DDAH1: variants seen among roughly 807,000 people sequenced by gnomAD.
DDAH1 encodes the protein N(G),N(G)-dimethylarginine dimethylaminohydrolase 1.
In DDAH1, 19 loss-of-function variants were observed where a neutral mutation model predicts 28.8. The observed-to-expected ratio is 0.66, with a 90% confidence interval of 0.46 to 0.97. The LOEUF is 0.97. Among genes scored for constraint, DDAH1 ranks in the 50% least tolerant of loss-of-function variants. The pLI is 0.00. For synonymous variants in DDAH1, 153 were observed against 154.4 expected, an observed-to-expected ratio of 0.99 and a Z score of 0.07; for missense variants, 326 against 375.9, an observed-to-expected ratio of 0.87 and a Z score of 1.10.
chr1:85,369,015 A>T (rs1156860988), intron 1 of DDAH1, among the ~76,000 whole-genome samples: 1 of 151,190 alleles, frequency 6.6e-6, no homozygotes, highest in Non-Finnish European at 1.5e-5. Flanking sequence ...TGGCTGGGTC[A>T]GAGATTCCTT....
At chr1:85,507,784 A>G (rs2100747130) in intron 1 of DDAH1, among the ~76,000 whole-genome samples, 1 of 152,268 alleles carries the variant, frequency 6.6e-6, no homozygotes, top group Non-Finnish European at 1.5e-5. Flanking sequence ...CAGCTCCCCC[A>G]GTCCTTCTCC....
rs190976389 is a variant in DDAH1, at chr1:85,410,182, G to A, written c.304-51335C>T. Among the ~76,000 whole-genome samples, 458 of 152,258 alleles carry A rather than the reference G, an allele frequency of 3.0e-3. 11 individuals are homozygous for A. The highest frequency in any genetic ancestry group is 0.028 in the Admixed American group (430 of 15,294). On this transcript the variant is annotated intron_variant, in intron 1 of 5. Coordinates refer to ENST00000284031, the MANE Select transcript of DDAH1 (RefSeq NM_012137.4). ...TGTAGTCCCAGCTACACGGGAGGCC[G>A]AGGTGGGATAATCGCCTGAGCCTGG...
chr1:85,508,624 G>C (rs1657110646), intron 1 of DDAH1, among the ~76,000 whole-genome samples: 1 of 152,208 alleles, frequency 6.6e-6, no homozygotes, highest in South Asian at 2.1e-4. Flanking sequence ...CCCAAATACT[G>C]GGCTTTTCCC....
At chr1:85,421,136 T>C (rs567709733) in intron 1 of DDAH1, among the ~76,000 whole-genome samples, 3 of 152,298 alleles carry the variant, frequency 2.0e-5, no homozygotes, top group South Asian at 4.1e-4. Flanking sequence ...AAACCATTCA[T>C]GGGAAAATTG....
intron 1 of DDAH1, among the ~76,000 whole-genome samples, chr1:85,360,985 C>A (rs1649765159): frequency 6.6e-6 from 1 of 152,164 alleles, no homozygotes; most frequent in African/African-American, 2.4e-5. Flanking sequence ...GATGATACTA[C>A]ATTACTTTCA....
chr1:85,348,717 A>C (rs905949221), intron 4 of DDAH1, among the ~76,000 whole-genome samples: 1 of 152,154 alleles, frequency 6.6e-6, no homozygotes, highest in Non-Finnish European at 1.5e-5. Flanking sequence ...TTTCCTCTGA[A>C]CTTTGAAGAG....
chr1:85,463,773 A>C (rs115753132), intron 1 of DDAH1, among the ~76,000 whole-genome samples: 1 of 152,222 alleles, frequency 6.6e-6, no homozygotes, highest in Non-Finnish European at 1.5e-5. Flanking sequence ...GAAAGAAACC[A>C]CTAGCTTCTT....
chr1:85,545,584 A>G (rs1658595752), intron 1 of DDAH1, among the ~76,000 whole-genome samples: 1 of 152,222 alleles, frequency 6.6e-6, no homozygotes, highest in Non-Finnish European at 1.5e-5. Flanking sequence ...ACAGCTCTGC[A>G]TTTGGAAAGA....
At chr1:85,395,998 T>C (rs1319912247) in intron 1 of DDAH1, among the ~76,000 whole-genome samples, 1 of 152,204 alleles carries the variant, frequency 6.6e-6, no homozygotes, top group African/African-American at 2.4e-5. Flanking sequence ...CTTTCTTAGG[T>C]CATTAATTAC....
chr1:85,562,147 A>T (rs75927365), intron 1 of DDAH1, among the ~76,000 whole-genome samples: 2,637 of 152,270 alleles, frequency 0.017, 43 homozygotes, highest in East Asian at 0.055. Context: ...GTAGAACAAA[A>T]GGCCAAAAAA....
chr1:85,459,542 A>G (rs1407153579), intron 1 of DDAH1, among the ~76,000 whole-genome samples: 1 of 152,230 alleles, frequency 6.6e-6, no homozygotes, highest in Non-Finnish European at 1.5e-5. Context: ...CAGTTGTTCT[A>G]ACTAGTTGGC....
chr1:85,461,379 G>T lies in DDAH1; in HGVS notation c.303+3364C>A, dbSNP rs74098846. Among the ~76,000 whole-genome samples, 1,375 of 152,220 alleles carry T rather than the reference G, an allele frequency of 9.0e-3. 15 individuals carry two copies. Among genetic ancestry groups the T allele is most frequent in the African/African-American group, 0.031 (1,298 of 41,520 alleles). On this transcript the variant is annotated intron_variant, in intron 1 of 5. Transcript: ENST00000284031. ...GAGGCCCCATTCAGGCAAACACTGG[G>T]CTTTCACAGGAATACTTTCTTGAAT... is the stretch of plus-strand genomic sequence containing the variant.
At chr1:85,387,074 G>A (rs1031763992) in intron 1 of DDAH1, among the ~76,000 whole-genome samples, 3 of 152,118 alleles carry the variant, frequency 2.0e-5, no homozygotes, top group Admixed American at 2.0e-4. Flanking sequence ...GGTCTGTGAT[G>A]GGAAAGGTGG....
At position 85,464,508 on chromosome 1, in the gene DDAH1, G is replaced by A. The variant is rs1230095424; in HGVS notation, c.303+235C>T. ...CCCGCCCACCCACCTGCCCGAGACC[G>A]TACAACCACATTGAATCGGATCCTC... On this transcript the variant is annotated intron_variant, in intron 1 of 5. Transcript: ENST00000284031. This position sits in a 1 kb window ranked among gnomAD's most constrained non-coding sequence, Gnocchi z 4.4. 2.0e-6 allele frequency: 3 copies of A among 1,504,842 alleles called. No individual in the cohort carries two copies. The highest frequency in any genetic ancestry group is 2.7e-6 in the Non-Finnish European group (3 of 1,128,996). 93.2% of individuals were successfully genotyped at this position (1,504,842 alleles called of 1,614,324 possible). A position where few individuals can be genotyped will look rare whatever the true frequency, so the allele number is the denominator to read the frequency against.
At chr1:85,380,321 C>T (rs1650921282) in intron 1 of DDAH1, 1 of 152,138 alleles carries the variant, frequency 6.6e-6, no homozygotes, top group African/African-American at 2.4e-5. Context: ...ATTTGAAATT[C>T]CAACTCAGTT....
rs181091716 is a variant in DDAH1 at position 85,385,148 on chromosome 1, T to C, written c.304-26301A>G. Among the ~76,000 whole-genome samples the C allele has an allele frequency of 3.9e-4, 59 of 152,346 alleles. 1 individual carries two copies. Among genetic ancestry groups the C allele is most frequent in the Middle Eastern group, 3.4e-3 (1 of 294 alleles). On this transcript the variant is annotated intron_variant, in intron 1 of 5. Coordinates refer to ENST00000284031, the MANE Select transcript of DDAH1 (RefSeq NM_012137.4). Reference sequence around the variant, plus strand: ...CCTCTTCTCCTCTGCAATATCTATTTAAGCTTTTGAGTAAGACAGACTTGG... The same window carrying C: ...CCTCTTCTCCTCTGCAATATCTATTCAAGCTTTTGAGTAAGACAGACTTGG...
At chr1:85,567,364 C>T (rs187072517) in intron 1 of DDAH1, among the ~76,000 whole-genome samples, 14 of 152,218 alleles carry the variant, frequency 9.2e-5, no homozygotes, top group Non-Finnish European at 1.5e-4. Flanking sequence ...ATCATGGGGG[C>T]GGGTATTTCC....
chr1:85,476,693 A>G (rs889119442), intron 2 of DDAH1, among the ~76,000 whole-genome samples: 2 of 152,152 alleles, frequency 1.3e-5, no homozygotes, highest in Non-Finnish European at 2.9e-5. Flanking sequence ...CAAAGCAGTC[A>G]CAGGCCTGCC....
At chr1:85,475,394 G>A (rs931902862) in intron 2 of DDAH1, among the ~76,000 whole-genome samples, 1 of 152,152 alleles carries the variant, frequency 6.6e-6, no homozygotes, top group Non-Finnish European at 1.5e-5. Flanking sequence ...TTTCAACAAA[G>A]GTTACTCCCT....
Sources: gnomAD v4.1 joint callset for allele counts (sites outside exome capture counted in the v4.1 genomes callset) on GRCh38, gnomAD v4.1.1 for gene constraint, Gnocchi (gnomAD v3.1) non-coding constraint, MANE v1.5 for transcripts, NCBI Gene and HGNC (gene_info 2026-07-23, HGNC 2026-07-21) for gene names.